Variants in CALCR observed in about 807,000 individuals in gnomAD.
CALCR encodes calcitonin receptor.
CALCR carries 47 observed loss-of-function variants against 59.5 expected under a neutral mutation model. The ratio of observed to expected loss-of-function variants is 0.79; its 90% confidence interval spans 0.63 to 1.01. The LOEUF (loss-of-function observed/expected upper bound fraction) is 1.01, where lower values mean the gene tolerates loss of function less well. CALCR is among the 50% of genes least tolerant of loss of function. CALCR has a pLI of 0.00. For synonymous variants in CALCR, 213 were observed against 211.3 expected (o/e 1.01, Z -0.07); for missense variants, 566 against 597.1 (o/e 0.95, Z 0.54).
chr7:93,507,554 C>T (rs1289696422), intron 2 of CALCR, among the ~76,000 whole-genome samples: 1 of 150,730 alleles, frequency 6.6e-6, no homozygotes, highest in Non-Finnish European at 1.5e-5. Flanking sequence ...ACCAAAGAAA[C>T]CTTTCCCTCC....
chr7:93,478,439 C>T (rs553885459), intron 4 of CALCR, among the ~76,000 whole-genome samples: 5 of 151,664 alleles, frequency 3.3e-5, no homozygotes, highest in Admixed American at 1.3e-4. Flanking sequence ...CAGTGTCTCA[C>T]GCCTGTAATC....
At chr7:93,525,857 GA>G (rs1235906302) in intron 2 of CALCR, among the ~76,000 whole-genome samples, 10 of 151,838 alleles carry the variant, frequency 6.6e-5, no homozygotes, top group Non-Finnish European at 2.9e-5. Flanking sequence ...ACTGATTTTG[GA>G]AAAAAAATCT....
chr7:93,547,445 A>C (rs568957546), intron 2 of CALCR, among the ~76,000 whole-genome samples: 135 of 152,334 alleles, frequency 8.9e-4, no homozygotes, highest in Non-Finnish European at 1.0e-3. Flanking sequence ...AATGCCTTAA[A>C]AATTAGAAGC....
chr7:93,436,779 A>G (rs1799788001), intron 11 of CALCR, among the ~76,000 whole-genome samples: 1 of 152,180 alleles, frequency 6.6e-6, no homozygotes, highest in Non-Finnish European at 1.5e-5. Context: ...CCTCCAGTTC[A>G]CTAAAAACAC....
chr7:93,441,235 GT>G (rs1202784520), intron 9 of CALCR, among the ~76,000 whole-genome samples: 2 of 151,988 alleles, frequency 1.3e-5, no homozygotes, highest in Non-Finnish European at 2.9e-5. Context: ...GCAGATAGAT[GT>G]TTTGAACAAT....
At chr7:93,568,869 C>T (rs1216762197) in intron 2 of CALCR, among the ~76,000 whole-genome samples, 1 of 152,002 alleles carries the variant, frequency 6.6e-6, no homozygotes, top group African/African-American at 2.4e-5. Context: ...CATGGATGAG[C>T]CAAAGACATT....
At chr7:93,520,302 T>C (rs1052105405) in intron 2 of CALCR, among the ~76,000 whole-genome samples, 2 of 130,008 alleles carry the variant, frequency 1.5e-5, no homozygotes, top group South Asian at 4.5e-4. Context: ...AGATTACCAG[T>C]GTATGGAGAA....
intron 5 of CALCR, among the ~76,000 whole-genome samples, chr7:93,473,162 T>C (rs1800591296): frequency 6.6e-6 from 1 of 151,836 alleles, no homozygotes; most frequent in African/African-American, 2.4e-5. Context: ...ATCTCATAGA[T>C]GCTAGTTAAT....
At chr7:93,448,533 G>A (rs1800048405) in intron 8 of CALCR, among the ~76,000 whole-genome samples, 1 of 151,922 alleles carries the variant, frequency 6.6e-6, no homozygotes, top group Non-Finnish European at 1.5e-5. Flanking sequence ...TTCAATGCTT[G>A]CAATCAAAGA....
intron 9 of CALCR, among the ~76,000 whole-genome samples, chr7:93,438,701 T>C (rs1799836998): frequency 1.3e-5 from 2 of 152,198 alleles, no homozygotes; most frequent in South Asian, 4.1e-4. Context: ...TGATTGCTCC[T>C]AAAGCCTTAG....
intron 2 of CALCR, among the ~76,000 whole-genome samples, chr7:93,548,310 G>C (rs747627965): frequency 6.6e-6 from 1 of 152,134 alleles, no homozygotes. Flanking sequence ...TTGGCAAAGC[G>C]AATGACTCTA....
rs182068488 is a variant in CALCR at position 93,459,493 on chromosome 7, G to A, written c.648+1328C>T. ...ACCAGGGACTGATATCAATGAAAAA[G>A]CAGAGCCTCAAGGTGCTCCTCCTCT... On this transcript the variant is annotated intron_variant, in intron 8 of 13. Coordinates refer to ENST00000426151, the MANE Select transcript of CALCR (RefSeq NM_001742.4). 2.0e-5 allele frequency among the ~76,000 whole-genome samples: 3 copies of A among 152,206 alleles called. No homozygotes were observed. In the South Asian group the frequency reaches 6.2e-4, roughly 32 times the overall value.
intron 2 of CALCR, among the ~76,000 whole-genome samples, chr7:93,510,167 G>T (rs1801514241): frequency 6.6e-6 from 1 of 151,774 alleles, no homozygotes; most frequent in South Asian, 2.1e-4. Context: ...GTGGGTACTC[G>T]ATAATTACTT....
intron 3 of CALCR, among the ~76,000 whole-genome samples, chr7:93,483,578 T>G (rs1483247398): frequency 6.6e-6 from 1 of 151,218 alleles, no homozygotes; most frequent in African/African-American, 2.4e-5. Context: ...TATACAAATT[T>G]CATAAAGTTT....
chr7:93,467,054 A>G (rs952051080), intron 7 of CALCR, among the ~76,000 whole-genome samples: 2 of 150,302 alleles, frequency 1.3e-5, no homozygotes, highest in African/African-American at 4.9e-5. Flanking sequence ...CAATTTTTTT[A>G]TGATTATATT....
chr7:93,457,459 T>G (rs1023919686), intron 8 of CALCR, among the ~76,000 whole-genome samples: 1 of 152,108 alleles, frequency 6.6e-6, no homozygotes, highest in African/African-American at 2.4e-5. Flanking sequence ...AGAAGTCCCT[T>G]TTACATTTAC....
chr7:93,460,572 A>AATATATATATAT (rs57481670), intron 8 of CALCR, among the ~76,000 whole-genome samples: 9 of 66,514 alleles, frequency 1.4e-4, no homozygotes, highest in African/African-American at 9.0e-4. Context: ...AAAAAAAAAA[A>AATATATATATAT]ATATATATAT....
chr7:93,426,663 C>G lies in CALCR; in HGVS notation c.1192-74G>C. ...CCATGCAAAGTGTACGAACATCGTT[C>G]TTAGAGCTTATCAGATTTAAAGAAA... On this transcript the variant is annotated intron_variant, in intron 13 of 13. Transcript: ENST00000426151. The G allele has an allele frequency of 7.8e-6, 6 of 768,298 alleles. No individual in the cohort carries two copies. In the South Asian group the frequency reaches 1.1e-4, roughly 14 times the overall value. 47.6% of individuals were successfully genotyped at this position (768,298 alleles called of 1,614,324 possible). A position where few individuals can be genotyped will look rare whatever the true frequency, so the allele number is the denominator to read the frequency against.
At chr7:93,497,551 A>C (rs1801234660) in intron 2 of CALCR, among the ~76,000 whole-genome samples, 1 of 151,584 alleles carries the variant, frequency 6.6e-6, no homozygotes, top group South Asian at 2.1e-4. Context: ...TGAGTAGACA[A>C]ATCAGGTGTT....
Sources: gnomAD v4.1 joint callset for allele counts (sites outside exome capture counted in the v4.1 genomes callset) on GRCh38, gnomAD v4.1.1 for gene constraint, MANE v1.5 for transcripts, NCBI Gene and HGNC (gene_info 2026-07-23, HGNC 2026-07-21) for gene names.